EFNA2: variants seen among roughly 807,000 people sequenced by gnomAD.
EFNA2 encodes ephrin A2, also known as ephrin-A2.
In EFNA2, 18 loss-of-function variants were observed where a neutral mutation model predicts 19.7. The ratio of observed to expected loss-of-function variants is 0.91; its 90% CI spans 0.63 to 1.35. EFNA2 has a LOEUF of 1.35. Ranked by LOEUF, EFNA2 falls within the 40% of genes most tolerant of loss-of-function variation. The pLI is 0.00. For synonymous variants in EFNA2, 187 were observed against 137.8 expected (o/e 1.36, Z -2.50); for missense variants, 303 against 296.0 (o/e 1.02, Z -0.17).
rs754808380 is a variant in EFNA2 at position 1,299,903 on chromosome 19, C to T, written c.600C>T (p.Phe200=). 3 of 1,605,578 alleles carry T rather than the reference C, an allele frequency of 1.9e-6. No individual in the cohort carries two copies. The highest frequency in any genetic ancestry group is 2.2e-5 in the East Asian group (1 of 44,802). The change falls in exon 4 of 4, where the codon TTC becomes TTT. Residue 200 remains phenylalanine, a synonymous_variant. Coordinates refer to ENST00000215368, the MANE Select transcript of EFNA2 (RefSeq NM_001405.4). Reference sequence around the variant, plus strand: ...GCAGCCCGGGCGGCTGCCGCCTCTTCCTCAGCACCATCCCCGTGCTCTGGA... The same window carrying T: ...GCAGCCCGGGCGGCTGCCGCCTCTTTCTCAGCACCATCCCCGTGCTCTGGA... ...SCSSPGGCRL[F]LSTIPVLWTL...
rs551710203 is a variant in EFNA2 at position 1,297,625 on chromosome 19, C to T, written c.455-926C>T. ...ACCCACCCCTGTTCGATTGTCCACA[C>T]GTGTGCACACCCCAGCGGCCCCGGC... On this transcript the variant is annotated intron_variant, in intron 2 of 3. Coordinates refer to ENST00000215368, the MANE Select transcript of EFNA2 (RefSeq NM_001405.4). This position sits in a 1 kb window ranked among gnomAD's most constrained non-coding sequence, Gnocchi z 5.0. Among the ~76,000 whole-genome samples the T allele has an allele frequency of 1.5e-4, 23 of 152,182 alleles. No individual in the cohort carries two copies. Among genetic ancestry groups the T allele is most frequent in the South Asian group, 4.1e-4 (2 of 4,820 alleles).
At chr19:1,285,871 C>T (rs2144608897), upstream of EFNA2, among the ~76,000 whole-genome samples, 1 of 146,468 alleles carries the variant, frequency 6.8e-6, no homozygotes, top group South Asian at 2.1e-4. This position sits in a 1 kb window ranked among gnomAD's most constrained non-coding sequence, Gnocchi z 4.1. Flanking sequence ...GGGACAAAGG[C>T]CGGAGCCCGG....
rs58281257 is a variant in EFNA2 at position 1,300,241 on chromosome 19, ATTTTTTTTTTT to A, written c.*321_*331del. ...CGGAGAACCCGGGAACCTCTTGGCG[ATTTTTTTTTTT>A]TTTTTTTTTTTTTTTTTTTTTTTTA... On this transcript the variant is annotated 3_prime_UTR_variant, in exon 4 of 4. Coordinates refer to ENST00000215368, the MANE Select transcript of EFNA2 (RefSeq NM_001405.4). The A allele has an allele frequency of 0.016, 685 of 42,672 alleles. 11 individuals carry two copies. The highest frequency in any genetic ancestry group is 0.024 in the African/African-American group (305 of 12,896). The allele number at this position is 42,672 out of a possible 1,614,324, so 2.6% of individuals were successfully genotyped here. A position where few individuals can be genotyped will look rare whatever the true frequency, so the allele number is the denominator to read the frequency against.
intron 1 of EFNA2, among the ~76,000 whole-genome samples, chr19:1,288,657 C>T (rs1568861231): frequency 1.3e-5 from 2 of 152,050 alleles, no homozygotes; most frequent in Admixed American, 1.3e-4. Flanking sequence ...TGGCCTGGCA[C>T]CTGTGCCCAG....
chr19:1,298,533 C>T lies in EFNA2; in HGVS notation c.455-18C>T. On this transcript the variant is annotated intron_variant, in intron 2 of 3. Coordinates refer to ENST00000215368, the MANE Select transcript of EFNA2 (RefSeq NM_001405.4). ...CCAAGAGGCACTTCCCCACTCATCCCCATCCCCTCTCTTCTAGCTGCCACG... is the reference window on the plus strand; with the variant it reads ...CCAAGAGGCACTTCCCCACTCATCCTCATCCCCTCTCTTCTAGCTGCCACG... The T allele has an allele frequency of 1.9e-6, 3 of 1,613,248 alleles. No individual in the cohort carries two copies. The highest frequency in any genetic ancestry group is 2.2e-5 in the East Asian group (1 of 44,824).
intron 1 of EFNA2, among the ~76,000 whole-genome samples, chr19:1,291,832 G>A (rs574814953): frequency 2.5e-4 from 38 of 152,260 alleles, no homozygotes; most frequent in African/African-American, 7.7e-4. Context: ...TGACAGCCAG[G>A]AGGCCCGGGT....
Position 1,300,796 on chromosome 19 carries a change from G to GC in EFNA2, c.*856dup, listed in dbSNP as rs1410235973. Among the ~76,000 whole-genome samples, 1 of 152,120 alleles carries GC rather than the reference G, an allele frequency of 6.6e-6. No individual in the cohort carries two copies. Among genetic ancestry groups the GC allele is most frequent in the African/African-American group, 2.4e-5 (1 of 41,424 alleles). ...GAAACTGCTTTGGCCGATGCAAACA[G>GC]CCCCCTACCCGTCCCCCTCGCCTCA... On this transcript the variant is annotated 3_prime_UTR_variant, in exon 4 of 4. Transcript: ENST00000215368.
chr19:1,298,267 AC>A (rs2081525053), intron 2 of EFNA2, among the ~76,000 whole-genome samples: 1 of 151,816 alleles, frequency 6.6e-6, no homozygotes, highest in South Asian at 2.1e-4. Context: ...TTCCGAGCTC[AC>A]CCTGTGCTGC....
At position 1,296,667 on chromosome 19, in the gene EFNA2, C is replaced by T. The variant is rs918774761; in HGVS notation, c.454+809C>T. On this transcript the variant is annotated intron_variant, in intron 2 of 3. Transcript: ENST00000215368. This position sits in a 1 kb window ranked among gnomAD's most constrained non-coding sequence, Gnocchi z 4.4. ...CTGTCTTTAAAAGAAGAAAAAAACC[C>T]CACAGGGCCCCTGCCGCACCAGCCG... Among the ~76,000 whole-genome samples, 1 of 152,114 alleles carries T rather than the reference C, an allele frequency of 6.6e-6. No individual in the cohort carries two copies. Among genetic ancestry groups the T allele is most frequent in the Non-Finnish European group, 1.5e-5 (1 of 68,008 alleles).
rs913339492 is a variant in EFNA2, at chr19:1,286,419, CG to C, written c.140+114del. ...GCGCCCCCCACGCGCGCGCCGCCGC[CG>C]GGATGCGGGCGCCCGGTTCCCGCGG... On this transcript the variant is annotated intron_variant, in intron 1 of 3. Transcript: ENST00000215368. The surrounding 1 kb of genome is among the most constrained non-coding windows in gnomAD (Gnocchi z 5.6). 5 of 333,198 alleles carry C rather than the reference CG, an allele frequency of 1.5e-5. No individual in the cohort carries two copies. The highest frequency in any genetic ancestry group is 2.1e-5 in the Non-Finnish European group (5 of 235,278). 20.6% of individuals were successfully genotyped at this position (333,198 alleles called of 1,614,324 possible). A position where few individuals can be genotyped will look rare whatever the true frequency, so the allele number is the denominator to read the frequency against.
rs2081461256 is a variant in EFNA2, at chr19:1,285,914, C to T, written c.-255C>T. ...CCCGGCGGGTGCGGCGGCGGCGGCCCGCGCTCCGACAGTCCGCGCGGCCGG... is the reference window on the plus strand; with the variant it reads ...CCCGGCGGGTGCGGCGGCGGCGGCCTGCGCTCCGACAGTCCGCGCGGCCGG... On this transcript the variant is annotated 5_prime_UTR_variant, in exon 1 of 4. Coordinates refer to ENST00000215368, the MANE Select transcript of EFNA2 (RefSeq NM_001405.4). The surrounding 1 kb of genome is among the most constrained non-coding windows in gnomAD (Gnocchi z 4.1). Among the ~76,000 whole-genome samples, 3 of 144,740 alleles carry T rather than the reference C, an allele frequency of 2.1e-5. No homozygotes were observed. The highest frequency in any genetic ancestry group is 6.8e-5 in the Admixed American group (1 of 14,628). The allele number at this position is 144,740 out of a possible 152,430, so 95.0% of individuals were successfully genotyped here. A position where few individuals can be genotyped will look rare whatever the true frequency, so the allele number is the denominator to read the frequency against.
intron 1 of EFNA2, among the ~76,000 whole-genome samples, chr19:1,290,206 TC>T (rs1161738911): frequency 1.3e-5 from 2 of 152,058 alleles, no homozygotes; most frequent in Non-Finnish European, 2.9e-5. Context: ...TAGTGTCCCC[TC>T]CCCAGAAGGG....
intron 2 of EFNA2, among the ~76,000 whole-genome samples, chr19:1,298,173 G>C (rs1309050658): frequency 6.6e-6 from 1 of 151,126 alleles, no homozygotes; most frequent in Non-Finnish European, 1.5e-5. Context: ...CAGGCTCTCA[G>C]AGGCAGAGAT....
In EFNA2 at chr19:1,287,646, G is replaced by C. The variant is rs1481153188; in HGVS notation, c.140+1338G>C. 1.3e-5 allele frequency among the ~76,000 whole-genome samples: 2 copies of C among 152,112 alleles called. No individual in the cohort carries two copies. The highest frequency in any genetic ancestry group is 4.8e-5 in the African/African-American group (2 of 41,412). On this transcript the variant is annotated intron_variant, in intron 1 of 3. Coordinates refer to ENST00000215368, the MANE Select transcript of EFNA2 (RefSeq NM_001405.4). The surrounding 1 kb of genome is among the most constrained non-coding windows in gnomAD (Gnocchi z 6.2). ...AACGGCCTCGGGTCGGGCCCTGGGGGCTGAGGGCAGGGACCCCGGGCCGCT... is the reference window on the plus strand; with the variant it reads ...AACGGCCTCGGGTCGGGCCCTGGGGCCTGAGGGCAGGGACCCCGGGCCGCT...
Position 1,299,900 on chromosome 19 carries a change from C to T in EFNA2, c.597C>T (p.Leu199=), listed in dbSNP as rs1489578483. ...GTAGCAGCCCGGGCGGCTGCCGCCT[C>T]TTCCTCAGCACCATCCCCGTGCTCT... ...NSCSSPGGCR[L]FLSTIPVLWT... Residue 199 remains leucine, a synonymous_variant, in exon 4 of 4, where the codon CTC becomes CTT. Transcript: ENST00000215368. 2 of 1,605,574 alleles carry T rather than the reference C, an allele frequency of 1.2e-6. No individual in the cohort carries two copies. Among genetic ancestry groups the T allele is most frequent in the South Asian group, 2.2e-5 (2 of 90,590 alleles).
chr19:1,288,983 G>A (rs12982834), intron 1 of EFNA2, among the ~76,000 whole-genome samples: 15,452 of 152,290 alleles, frequency 0.1, 930 homozygotes, highest in African/African-American at 0.14. Context: ...GGACCTGGCC[G>A]GCTGCCCTCA....
At chr19:1,288,369 C>A (rs929590772) in intron 1 of EFNA2, among the ~76,000 whole-genome samples, 2 of 152,134 alleles carry the variant, frequency 1.3e-5, no homozygotes, top group African/African-American at 4.8e-5. Context: ...TCCAAGGGGA[C>A]CCTGTGGAGG....
At position 1,299,957 on chromosome 19, in the gene EFNA2, C is replaced by T. The variant is rs549747581; in HGVS notation, c.*12C>T. The T allele has an allele frequency of 2.8e-5, 45 of 1,592,688 alleles. 2 individuals carry two copies. In the South Asian group the frequency reaches 4.8e-4, roughly 17 times the overall value. ...TCCTGGGTTCCTAGTCCCAGCCCCG[C>T]AGGACGCCGACCCTGCCTGGACGGC... On this transcript the variant is annotated 3_prime_UTR_variant, in exon 4 of 4. Transcript: ENST00000215368.
chr19:1,297,441 G>C lies in EFNA2; in HGVS notation c.455-1110G>C, dbSNP rs558882552. On this transcript the variant is annotated intron_variant, in intron 2 of 3. Coordinates refer to ENST00000215368, the MANE Select transcript of EFNA2 (RefSeq NM_001405.4). The surrounding 1 kb of genome is among the most constrained non-coding windows in gnomAD (Gnocchi z 5.0). ...TATTGTAATTATTCGTCCTACCTCTGTGATGAATGTTATTTTTATTACATG... is the reference window on the plus strand; with the variant it reads ...TATTGTAATTATTCGTCCTACCTCTCTGATGAATGTTATTTTTATTACATG... Among the ~76,000 whole-genome samples the C allele has an allele frequency of 6.6e-6, 1 of 152,264 alleles. No homozygotes were observed. The highest frequency in any genetic ancestry group is 6.5e-5 in the Admixed American group (1 of 15,294).
Sources: gnomAD v4.1 joint callset for allele counts (sites outside exome capture counted in the v4.1 genomes callset) on GRCh38, gnomAD v4.1.1 for gene constraint, Gnocchi (gnomAD v3.1) non-coding constraint, MANE v1.5 for transcripts, NCBI Gene and HGNC (gene_info 2026-07-23, HGNC 2026-07-21) for gene names.